Variants in PLD5 observed in about 807,000 individuals in gnomAD.
PLD5 encodes the protein phospholipase D family member 5, also known as inactive phospholipase D5.
In PLD5, 36 loss-of-function variants were observed where a neutral mutation model predicts 61.1. The ratio of observed to expected loss-of-function variants is 0.59; its 90% CI spans 0.45 to 0.78. The LOEUF (loss-of-function observed/expected upper bound fraction) is 0.78, where lower values mean the gene tolerates loss of function less well. PLD5 is among the 30% of genes least tolerant of loss of function. The pLI is 0.00. For missense variants in PLD5, 515 were observed against 644.4 expected, an observed-to-expected ratio of 0.80 and a Z score of 2.17; for synonymous variants, 243 against 242.8, an observed-to-expected ratio of 1.00 and a Z score of -0.01.
chr1:242,373,900 T>C (rs1224504106), intron 1 of PLD5, among the ~76,000 whole-genome samples: 1 of 151,940 alleles, frequency 6.6e-6, no homozygotes. Context: ...CACACCAACA[T>C]GGCACATGTA....
chr1:242,530,121 C>T, the PLD5 span, among the ~76,000 whole-genome samples: 47 of 152,208 alleles, frequency 3.1e-4, no homozygotes, highest in African/African-American at 1.1e-3. Context: ...CTCGAACTCC[C>T]GACCTCAGGC....
At chr1:242,351,882 T>G (rs534482395) in intron 1 of PLD5, among the ~76,000 whole-genome samples, 3 of 152,330 alleles carry the variant, frequency 2.0e-5, no homozygotes, top group Admixed American at 6.5e-5. Context: ...CAGAATAGAT[T>G]GTGTATTCGT....
chr1:242,302,813 CTGTT>C (rs878972144), intron 2 of PLD5, among the ~76,000 whole-genome samples: 2 of 152,136 alleles, frequency 1.3e-5, no homozygotes, highest in Admixed American at 1.3e-4. Context: ...ATGTAAGCTT[CTGTT>C]TGTTTTTTCT....
At chr1:242,475,402 G>T (rs1282099878) in intron 1 of PLD5, among the ~76,000 whole-genome samples, 2 of 120,642 alleles carry the variant, frequency 1.7e-5, no homozygotes, top group East Asian at 4.4e-4. Flanking sequence ...CAGCCTGGGC[G>T]ACAGAGCGAG....
intron 1 of PLD5, among the ~76,000 whole-genome samples, chr1:242,467,562 C>G (rs769169228): frequency 6.6e-6 from 1 of 152,176 alleles, no homozygotes; most frequent in Non-Finnish European, 1.5e-5. Flanking sequence ...TTGGCAATTA[C>G]CTCATCCCCT....
chr1:242,181,405 A>G (rs1363050016), intron 5 of PLD5, among the ~76,000 whole-genome samples: 1 of 152,222 alleles, frequency 6.6e-6, no homozygotes, highest in Non-Finnish European at 1.5e-5. Flanking sequence ...GAGACTTAGT[A>G]TCAATAATGT....
chr1:242,331,319 C>T (rs1427554613), intron 2 of PLD5, among the ~76,000 whole-genome samples: 3 of 152,148 alleles, frequency 2.0e-5, no homozygotes, highest in Non-Finnish European at 4.4e-5. Flanking sequence ...ACCTTGCCCT[C>T]CATTACATCT....
At chr1:242,461,194 C>T (rs1309148218) in intron 1 of PLD5, among the ~76,000 whole-genome samples, 1 of 152,172 alleles carries the variant, frequency 6.6e-6, no homozygotes, top group Non-Finnish European at 1.5e-5. Flanking sequence ...AGCCAGTACT[C>T]AGTTCTCAAT....
chr1:242,219,790 T>C (rs981720076), intron 5 of PLD5, among the ~76,000 whole-genome samples, 198 bp downstream of exon 5: 1 of 152,164 alleles, frequency 6.6e-6, no homozygotes, highest in African/African-American at 2.4e-5. Context: ...AATAACAGTT[T>C]TTACTTTTTT....
chr1:242,406,286 A>ATGCCT (rs1234592606), intron 1 of PLD5, among the ~76,000 whole-genome samples: 1 of 152,166 alleles, frequency 6.6e-6, no homozygotes, highest in African/African-American at 2.4e-5. Flanking sequence ...ATAAATTACT[A>ATGCCT]TGCAAGGAAT....
At chr1:242,385,999 C>G (rs1662577435) in intron 1 of PLD5, among the ~76,000 whole-genome samples, 1 of 152,106 alleles carries the variant, frequency 6.6e-6, no homozygotes, top group African/African-American at 2.4e-5. Context: ...GTTGCTTCCT[C>G]CTGAGAGCTG....
chr1:242,416,605 A>T (rs1240166717), intron 1 of PLD5, among the ~76,000 whole-genome samples: 1 of 152,222 alleles, frequency 6.6e-6, no homozygotes, highest in Non-Finnish European at 1.5e-5. Context: ...CCCTATTTGA[A>T]GTCGTTACCT....
At chr1:242,100,059 A>G (rs996363350) in intron 9 of PLD5, among the ~76,000 whole-genome samples, 2 of 152,206 alleles carry the variant, frequency 1.3e-5, no homozygotes, top group African/African-American at 4.8e-5. Flanking sequence ...AAAAATAGCT[A>G]GCATTAATTG....
chr1:242,209,028 A>G (rs1466654598), intron 5 of PLD5: 1 of 152,224 alleles, frequency 6.6e-6, no homozygotes, highest in East Asian at 1.9e-4. Flanking sequence ...TTTGAAAAGT[A>G]TAAATGTGAC....
At chr1:242,202,091 G>A (rs936569451) in intron 5 of PLD5, among the ~76,000 whole-genome samples, 1 of 152,162 alleles carries the variant, frequency 6.6e-6, no homozygotes. Context: ...GCACACACCT[G>A]TAATCCCAGG....
Position 242,124,609 on chromosome 1 carries a change from T to A in PLD5, c.792A>T (p.Gln264His). The change falls in exon 6 of 10, where the codon CAA becomes CAT. Residue 264 changes from glutamine (Q) to histidine (H), a missense_variant. Gln to His is a conservative substitution (Grantham distance 24). Coordinates refer to ENST00000536534, the MANE Select transcript of PLD5 (RefSeq NM_001372062.1). ...ATGAACTATATAGAGCAAATATCCT[T>A]TGTAAATCTAGGACCAGGCAGCTGC... ...YNCSCLVLDL[Q>H]RIFALYSSLK... 1 of 1,614,036 alleles carries A rather than the reference T, an allele frequency of 6.2e-7. No individual in the cohort carries two copies.
At chr1:242,379,669 A>G (rs1458413991) in intron 1 of PLD5, among the ~76,000 whole-genome samples, 1 of 152,244 alleles carries the variant, frequency 6.6e-6, no homozygotes, top group South Asian at 2.1e-4. Flanking sequence ...ACAGAAACAC[A>G]TGCAGTTTCC....
chr1:242,276,645 C>T (rs1394296316), intron 3 of PLD5, among the ~76,000 whole-genome samples: 1 of 151,294 alleles, frequency 6.6e-6, no homozygotes, highest in Non-Finnish European at 1.5e-5. Context: ...ATAGCGGCCG[C>T]TTCATCTCTT....
chr1:242,214,743 T>C (rs1333551994), intron 5 of PLD5, among the ~76,000 whole-genome samples: 1 of 152,178 alleles, frequency 6.6e-6, no homozygotes, highest in Non-Finnish European at 1.5e-5. Context: ...TAATTAGTTA[T>C]GGCAAACAGA....
Sources: allele counts gnomAD v4.1 joint callset (sites outside exome capture counted in the v4.1 genomes callset), GRCh38; gene constraint gnomAD v4.1.1; transcripts MANE v1.5; gene names NCBI Gene and HGNC (gene_info 2026-07-23, HGNC 2026-07-21).